The following CEP41 variants were observed in gnomAD, a reference collection of about 807,000 sequenced individuals.
CEP41 encodes the protein centrosomal protein of 41 kDa.
A neutral mutation model predicts 44.3 loss-of-function variants in CEP41; 32 were observed. That is an observed-to-expected ratio of 0.72 (90% CI 0.54 to 0.97). The LOEUF is 0.97. Among genes scored for constraint, CEP41 ranks in the 50% least tolerant of loss-of-function variants. The pLI, the probability that CEP41 is intolerant of heterozygous loss-of-function variation, is 0.00. For synonymous variants in CEP41, 151 were observed against 168.5 expected, an observed-to-expected ratio of 0.90 and a Z score of 0.80; for missense variants, 432 against 455.2, an observed-to-expected ratio of 0.95 and a Z score of 0.46.
Position 130,395,172 on chromosome 7 carries a change from A to G in CEP41, c.*3719T>C, listed in dbSNP as rs1554413997. On this transcript the variant is annotated 3_prime_UTR_variant, in exon 11 of 11. Transcript: ENST00000223208. Reference sequence around the variant, plus strand: ...AGATGTCATAATAATAATTTCAATAATTATTGTAAATCTAGGAAAGTATTA... The same window carrying G: ...AGATGTCATAATAATAATTTCAATAGTTATTGTAAATCTAGGAAAGTATTA... The G allele has an allele frequency of 2.2e-6, 1 of 453,062 alleles. No individual in the cohort carries two copies. 28.1% of individuals were successfully genotyped at this position (453,062 alleles called of 1,614,324 possible).
chr7:130,434,709 T>C (rs545747666), intron 1 of CEP41, among the ~76,000 whole-genome samples: 127 of 152,214 alleles, frequency 8.3e-4, no homozygotes, highest in Non-Finnish European at 1.6e-3. Flanking sequence ...AGCATAACAC[T>C]ATTTTTGTAA....
chr7:130,395,976 A>C lies in CEP41; in HGVS notation c.*2915T>G. The C allele has an allele frequency of 2.2e-6, 1 of 453,920 alleles. No individual in the cohort carries two copies. The highest frequency in any genetic ancestry group is 1.6e-5 in the South Asian group (1 of 64,430). The allele number at this position is 453,920 out of a possible 1,614,324, so 28.1% of individuals were successfully genotyped here. A position where few individuals can be genotyped will look rare whatever the true frequency, so the allele number is the denominator to read the frequency against. On this transcript the variant is annotated 3_prime_UTR_variant, in exon 11 of 11. Transcript: ENST00000223208. ...ATTGAGCCTGACATTATTACAGCCC[A>C]GGGTGTTCCTTTTGTTTTCAAATAA...
chr7:130,424,331 T>A (rs1347081638), intron 2 of CEP41, among the ~76,000 whole-genome samples: 2 of 148,446 alleles, frequency 1.3e-5, no homozygotes, highest in African/African-American at 2.5e-5. Context: ...GCCCAGGAAG[T>A]GGAGGTTACA....
At position 130,423,551 on chromosome 7, in the gene CEP41, C is replaced by G. The variant is rs540778012; in HGVS notation, c.97+4404G>C. On this transcript the variant is annotated intron_variant, in intron 2 of 10. Transcript: ENST00000223208. The stretch of plus-strand genomic sequence containing the variant: ...GAAGTGGTGTGGCTGCTGTGGAAAA[C>G]AGTTTGGCAGTTCCTCAAAAAATTA... Among the ~76,000 whole-genome samples, 4 of 152,314 alleles carry G rather than the reference C, an allele frequency of 2.6e-5. No individual in the cohort carries two copies. In the East Asian group the frequency reaches 5.8e-4, roughly 22 times the overall value.
intron 1 of CEP41, among the ~76,000 whole-genome samples, chr7:130,432,588 C>CAAAA (rs56874452): frequency 0.14 from 8,185 of 59,564 alleles, 301 homozygotes; most frequent in Non-Finnish European, 0.16. Context: ...TTTGTTTCCA[C>CAAAA]AAAAAAAAAA....
Position 130,404,634 on chromosome 7 carries a change from G to A in CEP41, c.352C>T (p.Gln118Ter). The change falls in exon 6 of 11, where the codon CAG becomes TAG. Residue 118 changes from glutamine to a stop codon, truncating the protein, a stop_gained. Coordinates refer to ENST00000223208, the MANE Select transcript of CEP41 (RefSeq NM_018718.3). LOFTEE classifies it high-confidence loss of function. The stretch of plus-strand genomic sequence containing the variant: ...ATGAACTGCTCAGGGCTCGGCGACT[G>A]CTCACCTGGATTTCCTTTCCCATTG... Reference protein sequence around the residue: ...RTNGKGNPGEQSPSPEQFINN... With the variant: ...RTNGKGNPGE The A allele has an allele frequency of 6.2e-7, 1 of 1,613,056 alleles. No individual in the cohort carries two copies. Among genetic ancestry groups the A allele is most frequent in the Non-Finnish European group, 8.5e-7 (1 of 1,178,980 alleles).
In CEP41 at chr7:130,394,933, T is replaced by C. The variant is rs1554413890; in HGVS notation, c.*3958A>G. 2 of 453,938 alleles carry C rather than the reference T, an allele frequency of 4.4e-6. No individual in the cohort carries two copies. Among genetic ancestry groups the C allele is most frequent in the African/African-American group, 4.0e-5 (2 of 49,984 alleles). The allele number at this position is 453,938 out of a possible 1,614,324, so 28.1% of individuals were successfully genotyped here. On this transcript the variant is annotated 3_prime_UTR_variant, in exon 11 of 11. Coordinates refer to ENST00000223208, the MANE Select transcript of CEP41 (RefSeq NM_018718.3). ...TCTCTTTGCCTCACATTTTACCAGG[T>C]GCTTCAGGATGTTACACAGGTGAGA...
upstream of CEP41, among the ~76,000 whole-genome samples, chr7:130,441,704 C>G (rs1342564100): frequency 2.0e-5 from 3 of 152,194 alleles, no homozygotes; most frequent in African/African-American, 7.2e-5. Context: ...GGGAGGATGA[C>G]TAGGACCCAA....
chr7:130,394,651 G>C lies in CEP41; in HGVS notation c.*4240C>G, dbSNP rs1554413808. On this transcript the variant is annotated 3_prime_UTR_variant, in exon 11 of 11. Transcript: ENST00000223208. ...CCACAAAGGCAGGATACACAAGGGG[G>C]ACAGAAGATAACGAGCTTTCTGGGT... 1 of 454,054 alleles carries C rather than the reference G, an allele frequency of 2.2e-6. No homozygotes were observed. The highest frequency in any genetic ancestry group is 2.3e-5 in the Admixed American group (1 of 42,576). The allele number at this position is 454,054 out of a possible 1,614,324, so 28.1% of individuals were successfully genotyped here. A position where few individuals can be genotyped will look rare whatever the true frequency, so the allele number is the denominator to read the frequency against.
At chr7:130,431,040 G>A (rs898411510) in intron 1 of CEP41, among the ~76,000 whole-genome samples, 1 of 152,120 alleles carries the variant, frequency 6.6e-6, no homozygotes, top group African/African-American at 2.4e-5. Context: ...TCCATATGCT[G>A]CAAGAGAAAA....
Position 130,410,720 on chromosome 7 carries a change from T to A in CEP41, c.277+402A>T, listed in dbSNP as rs111801063. On this transcript the variant is annotated intron_variant, in intron 5 of 10. Transcript: ENST00000223208. ...CCTTAGTAATTTTGTGGTACTGTTA[T>A]CATTCAGCCCACCCAACACACATAC... Among the ~76,000 whole-genome samples the A allele has an allele frequency of 6.9e-3, 1,056 of 152,318 alleles. 10 individuals carry two copies. Among genetic ancestry groups the A allele is most frequent in the African/African-American group, 0.024 (1,009 of 41,566 alleles).
chr7:130,420,084 G>C, intron 2 of CEP41: 1 of 984,376 alleles, frequency 1.0e-6, no homozygotes, highest in Non-Finnish European at 1.2e-6. Flanking sequence ...CACGTTGGGA[G>C]GCTGAGGAGG....
At chr7:130,401,095 G>C in intron 8 of CEP41, 1 of 418,840 alleles carries the variant, frequency 2.4e-6, no homozygotes, top group South Asian at 2.3e-5. Flanking sequence ...TTATCCCTAT[G>C]ACCCTGGAAA....
rs111688621 is a variant in CEP41, at chr7:130,427,999, G to A, written c.53C>T (p.Pro18Leu). Residue 18 changes from proline (P) to leucine (L), a missense_variant, in exon 2 of 11, where the codon CCA (proline) becomes CTA (leucine). By Grantham distance (98) the Pro-to-Leu change is moderately conservative. Transcript: ENST00000223208. ...GATATGCTGGTATCTTGGGTTCTGTGGTATCCTTTTCATCAGATACTAAAA... is the reference window on the plus strand; with the variant it reads ...GATATGCTGGTATCTTGGGTTCTGTAGTATCCTTTTCATCAGATACTAAAA... ...GNPEYLMKRI[P>L]QNPRYQHIKS... is the part of the protein sequence containing the mutation. The A allele has an allele frequency of 1.9e-5, 30 of 1,603,452 alleles. No individual in the cohort carries two copies. The highest frequency in any genetic ancestry group is 2.5e-5 in the Non-Finnish European group (29 of 1,170,964).
rs373669246 is a variant in CEP41 at position 130,400,769 on chromosome 7, G to A, written c.695C>T (p.Ala232Val). The A allele has an allele frequency of 1.2e-5, 19 of 1,613,620 alleles. No individual in the cohort carries two copies. Among genetic ancestry groups the A allele is most frequent in the Non-Finnish European group, 1.5e-5 (18 of 1,179,844 alleles). The change falls in exon 9 of 11, where the codon GCC (alanine) becomes GTC (valine). Residue 232 changes from alanine (A) to valine (V), a missense_variant. Transcript: ENST00000223208. ...GCACATGGTGGTGGCCGCCTGACTG[G>A]CCAGCCTTTCATCATCGTCATACAG... Reference protein sequence around the residue: ...IILYDDDERLASQAATTMCER... With the variant: ...IILYDDDERLVSQAATTMCER...
Position 130,438,869 on chromosome 7 carries a change from T to A in CEP41, c.33+2065A>T, listed in dbSNP as rs144990573. Among the ~76,000 whole-genome samples, 140 of 152,366 alleles carry A rather than the reference T, an allele frequency of 9.2e-4. No homozygotes were observed. The East Asian group carries it at 0.023, about 25-fold the overall frequency. ...CATTTATGGGGTACAATTTGATGTT[T>A]TGGTATATACACACACACACAATGT... On this transcript the variant is annotated intron_variant, in intron 1 of 10. Coordinates refer to ENST00000223208, the MANE Select transcript of CEP41 (RefSeq NM_018718.3).
In CEP41 at chr7:130,394,855, T is replaced by G. The variant is rs1362230186; in HGVS notation, c.*4036A>C. ...AAATAATTGCAACAGGAAGACATAT[T>G]GATATCCTTTAAAAGATGCAGCCCA... On this transcript the variant is annotated 3_prime_UTR_variant, in exon 11 of 11. Transcript: ENST00000223208. 2.2e-6 allele frequency: 1 copy of G among 454,022 alleles called. No individual in the cohort carries two copies. The highest frequency in any genetic ancestry group is 2.0e-5 in the African/African-American group (1 of 50,016). The allele number at this position is 454,022 out of a possible 1,614,324, so 28.1% of individuals were successfully genotyped here.
chr7:130,408,114 A>G (rs1554418625), intron 5 of CEP41, among the ~76,000 whole-genome samples: 1 of 152,158 alleles, frequency 6.6e-6, no homozygotes, highest in Non-Finnish European at 1.5e-5. Flanking sequence ...GGGAAGTATC[A>G]GTATATTAAA....
rs184196242 is a variant in CEP41 at position 130,396,035 on chromosome 7, T to G, written c.*2856A>C. ...GCTTTCTCCTTTCTCTCTCGCTTTC[T>G]GCTTCTTTTCTTCTCTCTGCCCTCC... On this transcript the variant is annotated 3_prime_UTR_variant, in exon 11 of 11. Transcript: ENST00000223208. The G allele has an allele frequency of 1.1e-5, 5 of 454,126 alleles. No individual in the cohort carries two copies. Among genetic ancestry groups the G allele is most frequent in the African/African-American group, 8.0e-5 (4 of 50,132 alleles). The allele number at this position is 454,126 out of a possible 1,614,324, so 28.1% of individuals were successfully genotyped here.
Sources: gnomAD v4.1 joint callset for allele counts (sites outside exome capture counted in the v4.1 genomes callset) on GRCh38, gnomAD v4.1.1 for gene constraint, MANE v1.5 for transcripts, NCBI Gene and HGNC (gene_info 2026-07-23, HGNC 2026-07-21) for gene names.